The following PLA2G4A variants were observed in gnomAD, a reference collection of about 807,000 sequenced individuals.
The protein encoded by PLA2G4A is cytosolic phospholipase A2.
In PLA2G4A, 40 loss-of-function variants were observed where a neutral mutation model predicts 81.9. The observed-to-expected ratio is 0.49, with a 90% CI of 0.38 to 0.64. The LOEUF (loss-of-function observed/expected upper bound fraction) is 0.64, where lower values mean the gene tolerates loss of function less well. PLA2G4A is among the 30% of genes least tolerant of loss of function. The probability of loss-of-function intolerance (pLI) is 0.00; values close to 1 mark genes in which losing one functional copy is unlikely to be tolerated. For synonymous variants in PLA2G4A, 302 were observed against 296.9 expected, an observed-to-expected ratio of 1.02 and a Z score of -0.18; for missense variants, 715 against 905.1, an observed-to-expected ratio of 0.79 and a Z score of 2.69.
chr1:186,859,403 G>A (rs1652715512), intron 2 of PLA2G4A, among the ~76,000 whole-genome samples: 1 of 152,108 alleles, frequency 6.6e-6, no homozygotes, highest in African/African-American at 2.4e-5. Flanking sequence ...CAGGAGCCAT[G>A]AATTTTACAA....
chr1:186,937,277 G>C (rs1020037898), intron 8 of PLA2G4A, among the ~76,000 whole-genome samples: 1 of 148,948 alleles, frequency 6.7e-6, no homozygotes, highest in Non-Finnish European at 1.5e-5. Context: ...GAGAGAGAGA[G>C]AACACCAGAT....
chr1:186,893,593 A>G (rs1654224840), intron 4 of PLA2G4A, among the ~76,000 whole-genome samples: 1 of 152,096 alleles, frequency 6.6e-6, no homozygotes, highest in Non-Finnish European at 1.5e-5. Context: ...ATCAATCAGG[A>G]AAATGTGAAA....
chr1:186,877,380 C>A (rs191638402), intron 3 of PLA2G4A, among the ~76,000 whole-genome samples: 23 of 152,102 alleles, frequency 1.5e-4, no homozygotes, highest in African/African-American at 2.9e-4. Context: ...TATGAAAAGA[C>A]ATCTATTTCT....
intron 8 of PLA2G4A, among the ~76,000 whole-genome samples, chr1:186,933,988 A>G (rs1192988727): frequency 6.6e-6 from 1 of 152,158 alleles, no homozygotes; most frequent in African/African-American, 2.4e-5. Context: ...ACAAAAACTT[A>G]GAGCCATCAT....
At position 186,926,499 on chromosome 1, in the gene PLA2G4A, G is replaced by C. The variant is rs12720572; in HGVS notation, c.559-6264G>C. Among the ~76,000 whole-genome samples the C allele has an allele frequency of 3.7e-3, 564 of 152,206 alleles. 13 individuals are homozygous for C. Among genetic ancestry groups the C allele is most frequent in the Admixed American group, 0.03 (464 of 15,290 alleles). ...AAAAGTAACATTTTTCTATTTTTAT[G>C]TTACTTCTTGGATCTCTTAACTTTC... On this transcript the variant is annotated intron_variant, in intron 7 of 17. Transcript: ENST00000367466.
At chr1:186,965,044 G>T (rs1311193390) in intron 14 of PLA2G4A, among the ~76,000 whole-genome samples, 3 of 152,192 alleles carry the variant, frequency 2.0e-5, no homozygotes, top group African/African-American at 7.2e-5. Flanking sequence ...ACAAGATTAT[G>T]CATGAGGAAA....
chr1:186,924,972 C>T (rs998742093), intron 7 of PLA2G4A, among the ~76,000 whole-genome samples: 3 of 152,020 alleles, frequency 2.0e-5, no homozygotes, highest in East Asian at 3.9e-4. Flanking sequence ...CACTTGAACC[C>T]AGGAAGTAGA....
intron 15 of PLA2G4A, among the ~76,000 whole-genome samples, chr1:186,975,134 C>T (rs545437119): frequency 3.9e-5 from 6 of 152,160 alleles, no homozygotes; most frequent in East Asian, 3.9e-4. Flanking sequence ...TGAATAATCA[C>T]GAGTGAATAA....
chr1:186,871,628 C>T (rs1653272681), intron 3 of PLA2G4A, among the ~76,000 whole-genome samples: 1 of 151,952 alleles, frequency 6.6e-6, no homozygotes, highest in Non-Finnish European at 1.5e-5. Flanking sequence ...GAGCTAGAAC[C>T]GACCCAATAT....
At chr1:186,979,929 CG>C (rs1294028268) in intron 17 of PLA2G4A, among the ~76,000 whole-genome samples, 4 of 146,240 alleles carry the variant, frequency 2.7e-5, no homozygotes, top group Non-Finnish European at 6.0e-5. Context: ...CATCACAAAA[CG>C]TAACAGCATT....
intron 15 of PLA2G4A, among the ~76,000 whole-genome samples, chr1:186,970,684 T>A (rs1339605553): frequency 1.3e-5 from 2 of 152,078 alleles, no homozygotes; most frequent in African/African-American, 4.8e-5. Context: ...CAGTATATAT[T>A]CTGGGCAACT....
intron 1 of PLA2G4A, among the ~76,000 whole-genome samples, chr1:186,845,612 C>A (rs954017325): frequency 6.6e-6 from 1 of 151,940 alleles, no homozygotes; most frequent in Non-Finnish European, 1.5e-5. Flanking sequence ...GAATCTTTTG[C>A]ATTCCTATCC....
At chr1:186,934,461 T>C (rs796807588) in intron 8 of PLA2G4A, among the ~76,000 whole-genome samples, 11,409 of 137,684 alleles carry the variant, frequency 0.083, 993 homozygotes, top group African/African-American at 0.17. Flanking sequence ...TATATATATA[T>C]ATACATACAC....
chr1:186,956,430 A>G lies in PLA2G4A; in HGVS notation c.1579+86A>G, dbSNP rs12720653. The G allele has an allele frequency of 4.9e-4, 581 of 1,173,998 alleles. 3 individuals carry two copies. The African/African-American group carries it at 7.2e-3, about 14-fold the overall frequency. The allele number at this position is 1,173,998 out of a possible 1,614,324, so 72.7% of individuals were successfully genotyped here. ...GAGAAGCATTTTAATTATTATTAACACTTACTCATTTATTATCAGTTATTA... is the reference window on the plus strand; with the variant it reads ...GAGAAGCATTTTAATTATTATTAACGCTTACTCATTTATTATCAGTTATTA... On this transcript the variant is annotated intron_variant, in intron 14 of 17. Transcript: ENST00000367466.
chr1:186,891,104 T>C (rs180944861), intron 3 of PLA2G4A, among the ~76,000 whole-genome samples: 1 of 150,678 alleles, frequency 6.6e-6, no homozygotes, highest in Admixed American at 7.1e-5. Flanking sequence ...AAATATAATC[T>C]TTTTTTTAAA....
At chr1:186,965,643 G>A (rs1474181084) in intron 15 of PLA2G4A, 50 bp downstream of exon 15, 1 of 1,297,024 alleles carries the variant, frequency 7.7e-7, no homozygotes, top group Admixed American at 1.7e-5. Context: ...TCTCTTGCTT[G>A]CCTTATAGAT....
At chr1:186,865,820 A>G (rs1344426210) in intron 2 of PLA2G4A, among the ~76,000 whole-genome samples, 1 of 152,192 alleles carries the variant, frequency 6.6e-6, no homozygotes, top group African/African-American at 2.4e-5. Context: ...ATATATCAAT[A>G]TACTTATCCA....
chr1:186,886,035 G>T (rs1414279577), intron 3 of PLA2G4A, among the ~76,000 whole-genome samples: 1 of 151,988 alleles, frequency 6.6e-6, no homozygotes, highest in Non-Finnish European at 1.5e-5. Context: ...ACCAAGAGTG[G>T]ATTTCTCAAC....
chr1:186,906,421 A>C (rs547668975), intron 5 of PLA2G4A, among the ~76,000 whole-genome samples: 1 of 152,332 alleles, frequency 6.6e-6, no homozygotes, highest in African/African-American at 2.4e-5. Context: ...TCATTAGTAG[A>C]TGTTTCCCGA....
Sources: gnomAD v4.1 joint callset for allele counts (sites outside exome capture counted in the v4.1 genomes callset) on GRCh38, gnomAD v4.1.1 for gene constraint, MANE v1.5 for transcripts, NCBI Gene and HGNC (gene_info 2026-07-23, HGNC 2026-07-21) for gene names.